Variants in DOCK3 observed in about 807,000 individuals in gnomAD.
DOCK3 encodes the protein dedicator of cytokinesis 3.
A neutral mutation model predicts 265.6 loss-of-function variants in DOCK3; 60 were observed. That is an observed-to-expected ratio of 0.23 (90% CI 0.18 to 0.28). The LOEUF (loss-of-function observed/expected upper bound fraction) is 0.28, where lower values mean the gene tolerates loss of function less well. DOCK3 is among the 10% of genes least tolerant of loss of function. DOCK3 has a pLI of 1.00. For synonymous variants in DOCK3, 881 were observed against 938.0 expected, an observed-to-expected ratio of 0.94 and a Z score of 1.11; for missense variants, 1,981 against 2,594.3, an observed-to-expected ratio of 0.76 and a Z score of 5.14.
At chr3:51,142,393 C>G (rs1182434185) in intron 9 of DOCK3, among the ~76,000 whole-genome samples, 1 of 152,184 alleles carries the variant, frequency 6.6e-6, no homozygotes, top group Admixed American at 6.5e-5. Flanking sequence ...CCTTTGCAGT[C>G]AGTCCCTACC....
intron 5 of DOCK3, among the ~76,000 whole-genome samples, chr3:50,982,909 A>C (rs1033057285): frequency 7.2e-5 from 11 of 152,050 alleles, no homozygotes; most frequent in African/African-American, 2.7e-4. Flanking sequence ...CCACTTTCCC[A>C]GGTGCAGGAC....
chr3:51,153,596 T>C (rs2107436645), intron 10 of DOCK3, among the ~76,000 whole-genome samples: 1 of 152,324 alleles, frequency 6.6e-6, no homozygotes. Context: ...TCGATCATGC[T>C]GGGAGCTGCA....
At chr3:51,364,691 T>G (rs1024748550) in intron 49 of DOCK3, among the ~76,000 whole-genome samples, 1 of 152,332 alleles carries the variant, frequency 6.6e-6, no homozygotes, top group South Asian at 2.1e-4. Flanking sequence ...CAGTTTCAGC[T>G]TTCTACATAT....
intron 5 of DOCK3, among the ~76,000 whole-genome samples, chr3:51,027,457 A>G (rs549489986): frequency 1.1e-4 from 17 of 151,964 alleles, no homozygotes; most frequent in African/African-American, 2.9e-4. Flanking sequence ...GTAGATGTCT[A>G]TTGGTTAAGT....
At chr3:50,840,338 A>T (rs959091717) in intron 2 of DOCK3, among the ~76,000 whole-genome samples, 4 of 152,128 alleles carry the variant, frequency 2.6e-5, no homozygotes, top group Non-Finnish European at 5.9e-5. Context: ...TTGGAGTTTT[A>T]TAGTTTTGCA....
chr3:51,316,250 A>G (rs2083356786), intron 32 of DOCK3, among the ~76,000 whole-genome samples: 1 of 152,232 alleles, frequency 6.6e-6, no homozygotes, highest in Admixed American at 6.5e-5. Context: ...AGCAAAGTGC[A>G]GCCTTTTGAG....
intron 4 of DOCK3, among the ~76,000 whole-genome samples, chr3:50,913,498 G>A (rs559424839): frequency 1.3e-5 from 2 of 151,990 alleles, no homozygotes; most frequent in African/African-American, 4.8e-5. Flanking sequence ...CAGTCCACTG[G>A]CTCTGGGCCC....
chr3:50,773,367 T>C (rs530897345), intron 1 of DOCK3, among the ~76,000 whole-genome samples: 1 of 152,198 alleles, frequency 6.6e-6, no homozygotes, highest in Non-Finnish European at 1.5e-5. Context: ...ATGACATTGA[T>C]CTATATTAAT....
intron 1 of DOCK3, among the ~76,000 whole-genome samples, chr3:50,741,679 G>A (rs2108231603): frequency 6.7e-6 from 1 of 150,312 alleles, no homozygotes; most frequent in Admixed American, 6.6e-5. Flanking sequence ...TATCATTGTT[G>A]GACATTTGGG....
At chr3:50,826,208 C>T (rs1364018275) in intron 2 of DOCK3, among the ~76,000 whole-genome samples, 1 of 151,896 alleles carries the variant, frequency 6.6e-6, no homozygotes, top group Non-Finnish European at 1.5e-5. Context: ...TTTCCCTCAG[C>T]CTTAAATGTG....
intron 2 of DOCK3, among the ~76,000 whole-genome samples, chr3:50,795,081 G>A (rs2108630738): frequency 6.6e-6 from 1 of 152,028 alleles, no homozygotes; most frequent in Non-Finnish European, 1.5e-5. Flanking sequence ...TCTGGCTTGG[G>A]TTTCTCCTGA....
intron 5 of DOCK3, among the ~76,000 whole-genome samples, chr3:50,987,477 C>CT (rs2077944772): frequency 6.6e-6 from 1 of 152,164 alleles, no homozygotes; most frequent in Non-Finnish European, 1.5e-5. Flanking sequence ...ACATTACAAC[C>CT]TACCCAGGGT....
intron 9 of DOCK3, among the ~76,000 whole-genome samples, chr3:51,107,092 T>C (rs1423924061): frequency 6.6e-6 from 1 of 152,230 alleles, no homozygotes; most frequent in Non-Finnish European, 1.5e-5. Flanking sequence ...AGTCCTGAGC[T>C]GAGCCTTGGT....
At chr3:50,904,665 T>G (rs1048513915) in intron 4 of DOCK3, among the ~76,000 whole-genome samples, 2 of 152,260 alleles carry the variant, frequency 1.3e-5, no homozygotes, top group African/African-American at 2.4e-5. Context: ...TTGTAGATTC[T>G]GGATATTAGC....
intron 9 of DOCK3, among the ~76,000 whole-genome samples, chr3:51,103,278 T>C (rs2083154051): frequency 6.6e-6 from 1 of 152,090 alleles, no homozygotes; most frequent in Non-Finnish European, 1.5e-5. Flanking sequence ...TGAGAGCCTG[T>C]GCTACAATGA....
chr3:51,135,667 G>A (rs2084758296), intron 9 of DOCK3, among the ~76,000 whole-genome samples: 6 of 152,012 alleles, frequency 3.9e-5, no homozygotes, highest in Admixed American at 3.9e-4. Context: ...AATCCACACT[G>A]TGTTGCATGG....
intron 5 of DOCK3, among the ~76,000 whole-genome samples, chr3:51,005,530 A>G (rs987469833): frequency 1.3e-5 from 2 of 152,182 alleles, no homozygotes; most frequent in African/African-American, 2.4e-5. Context: ...CTCAAACTCA[A>G]TAGCTCCCAA....
chr3:51,118,557 G>T (rs1291734678), intron 9 of DOCK3, among the ~76,000 whole-genome samples: 1 of 152,134 alleles, frequency 6.6e-6, no homozygotes. Context: ...TGACAGTGGG[G>T]TGTTAAAGTC....
chr3:50,778,876 T>A, intron 2 of DOCK3, 118 bp downstream of exon 2: 1 of 637,364 alleles, frequency 1.6e-6, no homozygotes, highest in Non-Finnish European at 2.5e-6. Flanking sequence ...AGTCACATGA[T>A]GAAATAGTGT....
Sources: allele counts gnomAD v4.1 joint callset (sites outside exome capture counted in the v4.1 genomes callset), GRCh38; gene constraint gnomAD v4.1.1; transcripts MANE v1.5; gene names NCBI Gene and HGNC (gene_info 2026-07-23, HGNC 2026-07-21).